S100Z: variants seen among roughly 807,000 people sequenced by gnomAD.
The protein encoded by S100Z is protein S100-Z.
A neutral mutation model predicts 8.5 loss-of-function variants in S100Z; 11 were observed. The ratio of observed to expected loss-of-function variants is 1.30; its 90% CI spans 0.82 to 2.15. The LOEUF (loss-of-function observed/expected upper bound fraction) is 2.15. S100Z is among the 30% of genes most tolerant of loss of function. The pLI, the probability that S100Z is intolerant of heterozygous loss-of-function variation, is 0.00. For missense variants in S100Z, 126 were observed against 117.9 expected (o/e 1.07, Z -0.32); for synonymous variants, 34 against 43.8 (o/e 0.78, Z 0.89).
chr5:76,853,338 G>C (rs1750784560), intron 1 of S100Z, among the ~76,000 whole-genome samples: 1 of 152,190 alleles, frequency 6.6e-6, no homozygotes, highest in Admixed American at 6.5e-5. Context: ...GAAGAAGAAA[G>C]ATAGATCTTG....
chr5:76,938,972 T>C, the S100Z span, among the ~76,000 whole-genome samples: 3 of 152,178 alleles, frequency 2.0e-5, no homozygotes, highest in African/African-American at 7.2e-5. Context: ...GGACCACCTA[T>C]TATGACAGCT....
At chr5:76,914,071 C>T (rs978740107) in intron 4 of S100Z, among the ~76,000 whole-genome samples, 23 of 152,290 alleles carry the variant, frequency 1.5e-4, no homozygotes, top group Non-Finnish European at 1.5e-4. Context: ...CAAATGAGTT[C>T]AACCAACAAC....
At chr5:76,914,939 A>G (rs966382305) in intron 4 of S100Z, among the ~76,000 whole-genome samples, 10 of 152,174 alleles carry the variant, frequency 6.6e-5, no homozygotes, top group Admixed American at 6.5e-4. Context: ...AAGAACTGTA[A>G]CACTCACCGC....
At chr5:76,924,791 T>G (rs768182152), downstream of S100Z, among the ~76,000 whole-genome samples, 1 of 151,938 alleles carries the variant, frequency 6.6e-6, no homozygotes, top group Admixed American at 6.6e-5. Flanking sequence ...GCACCTGTAA[T>G]CCCAGCTACC....
At chr5:76,919,902 C>T (rs1000046815) in intron 4 of S100Z, among the ~76,000 whole-genome samples, 31 of 148,876 alleles carry the variant, frequency 2.1e-4, no homozygotes, top group Non-Finnish European at 3.8e-4. Flanking sequence ...CCATGCCCAG[C>T]TTTCATTTTT....
At chr5:76,859,477 T>C (rs1396494382) in intron 1 of S100Z, among the ~76,000 whole-genome samples, 1 of 151,960 alleles carries the variant, frequency 6.6e-6, no homozygotes, top group Non-Finnish European at 1.5e-5. Context: ...CGCATCCAGC[T>C]CTGTTTAAAG....
At chr5:76,850,507 A>C (rs562868605) in intron 1 of S100Z, among the ~76,000 whole-genome samples, 36 of 152,258 alleles carry the variant, frequency 2.4e-4, no homozygotes, top group African/African-American at 8.2e-4. Flanking sequence ...TTCAAGTTTC[A>C]TGTTCTTGTC....
At chr5:76,867,432 T>A (rs202168355) in intron 1 of S100Z, among the ~76,000 whole-genome samples, 2 of 152,202 alleles carry the variant, frequency 1.3e-5, no homozygotes, top group East Asian at 3.9e-4. Flanking sequence ...CTAAGGAGGG[T>A]GTCTGCCTGC....
chr5:76,921,813 C>G (rs186481139), downstream of S100Z, among the ~76,000 whole-genome samples: 21 of 152,108 alleles, frequency 1.4e-4, 1 homozygote, highest in East Asian at 3.9e-3. Flanking sequence ...CATGGTGAAA[C>G]CCCAACTCTA....
chr5:76,886,164 G>T (rs1199697050), intron 4 of S100Z, among the ~76,000 whole-genome samples: 1 of 152,190 alleles, frequency 6.6e-6, no homozygotes, highest in Non-Finnish European at 1.5e-5. Flanking sequence ...ACCAAGGCAG[G>T]TGTCCCCGTG....
intron 4 of S100Z, among the ~76,000 whole-genome samples, chr5:76,916,559 A>T (rs190023644): frequency 2.0e-5 from 3 of 152,070 alleles, no homozygotes; most frequent in East Asian, 1.9e-4. Flanking sequence ...ACCTTGAAAA[A>T]TTAATACCCA....
chr5:76,875,291 TA>T lies in S100Z; in HGVS notation c.-56-12del. On this transcript the variant is annotated splice_polypyrimidine_tract_variant and intron_variant, in intron 2 of 4. Transcript: ENST00000317593. The stretch of plus-strand genomic sequence containing the variant: ...AAGTGTTGGTGTTTCCTCATCTGTT[TA>T]TTCTGAACAAGTGTCTTCTCCCCGG... 1 of 1,422,154 alleles carries T rather than the reference TA, an allele frequency of 7.0e-7. No individual in the cohort carries two copies. Among genetic ancestry groups the T allele is most frequent in the Non-Finnish European group, 9.5e-7 (1 of 1,048,596 alleles). 88.1% of individuals were successfully genotyped at this position (1,422,154 alleles called of 1,614,324 possible). A position where few individuals can be genotyped will look rare whatever the true frequency, so the allele number is the denominator to read the frequency against.
At chr5:76,859,706 C>T (rs758682568) in intron 1 of S100Z, among the ~76,000 whole-genome samples, 5 of 139,722 alleles carry the variant, frequency 3.6e-5, no homozygotes, top group Non-Finnish European at 6.0e-5. Flanking sequence ...CGCTTGAACC[C>T]GGAAGTGGAG....
intron 4 of S100Z, among the ~76,000 whole-genome samples, chr5:76,919,526 TCCTC>T (rs145366090): frequency 0.47 from 59,166 of 125,670 alleles, 16,380 homozygotes; most frequent in Non-Finnish European, 0.61. Flanking sequence ...TCTTCTCCCT[TCCTC>T]CCTCCCTCCC....
At chr5:76,940,375 G>A in the S100Z span, among the ~76,000 whole-genome samples, 1 of 151,688 alleles carries the variant, frequency 6.6e-6, no homozygotes, top group Non-Finnish European at 1.5e-5. Context: ...ATAACTATAG[G>A]TGAATGTGAA....
intron 4 of S100Z, among the ~76,000 whole-genome samples, chr5:76,897,660 C>T (rs1446823912): frequency 1.3e-5 from 2 of 152,022 alleles, no homozygotes; most frequent in South Asian, 2.1e-4. Flanking sequence ...TTTTCTTCAT[C>T]AGTGTTTCAC....
At chr5:76,951,034 T>G in the S100Z span, among the ~76,000 whole-genome samples, 12,767 of 152,202 alleles carry the variant, frequency 0.084, 777 homozygotes, top group East Asian at 0.21. Context: ...AATTTTTTTT[T>G]TTTTAGAAAA....
intron 4 of S100Z, among the ~76,000 whole-genome samples, chr5:76,913,843 G>A (rs900033768): frequency 5.3e-5 from 8 of 152,114 alleles, no homozygotes; most frequent in East Asian, 1.9e-4. Context: ...GATGCTGCCC[G>A]GCATTTACAG....
chr5:76,943,943 C>T, the S100Z span, among the ~76,000 whole-genome samples: 52 of 152,024 alleles, frequency 3.4e-4, no homozygotes, highest in African/African-American at 1.1e-3. Flanking sequence ...TTTTTCAGCA[C>T]GGATTTTTGC....
Sources: allele counts gnomAD v4.1 joint callset (sites outside exome capture counted in the v4.1 genomes callset), GRCh38; gene constraint gnomAD v4.1.1; transcripts MANE v1.5; gene names NCBI Gene and HGNC (gene_info 2026-07-23, HGNC 2026-07-21).